UNC5D: variants seen among roughly 807,000 people sequenced by gnomAD.
The protein encoded by UNC5D is netrin receptor UNC5D.
A neutral mutation model predicts 105.4 loss-of-function variants in UNC5D; 39 were observed. The observed-to-expected ratio is 0.37, with a 90% CI of 0.29 to 0.48. The LOEUF is 0.48. Ranked by LOEUF, UNC5D falls within the 20% of genes least tolerant of loss-of-function variation. UNC5D has a pLI of 0.98. For synonymous variants in UNC5D, 452 were observed against 450.4 expected (o/e 1.00, Z -0.04); for missense variants, 991 against 1,202.4 (o/e 0.82, Z 2.60).
At chr8:35,297,234 C>G (rs1807562070) in intron 1 of UNC5D, among the ~76,000 whole-genome samples, 1 of 152,054 alleles carries the variant, frequency 6.6e-6, no homozygotes, top group Non-Finnish European at 1.5e-5. Flanking sequence ...TTCTGCTTAG[C>G]AAAAAATCCT....
chr8:35,766,920 G>T lies in UNC5D; in HGVS notation c.2332G>T (p.Val778Leu). ...TACQEVPFSR[V>L]WCSNRQPLHC... Reference sequence around the variant, plus strand: ...CCTGCAGGAAGTCCCGTTCTCCCGCGTGTGGTGCAGTAACCGGCAGCCCCT... The same window carrying T: ...CCTGCAGGAAGTCCCGTTCTCCCGCTTGTGGTGCAGTAACCGGCAGCCCCT... Residue 778 changes from valine (V) to leucine (L), a missense_variant, in exon 15 of 17, where the codon GTG becomes TTG. Physicochemically the swap from Val to Leu is conservative, Grantham distance 32. Around this residue, in one of 3 missense-constraint regions of UNC5D, gnomAD observed 944 missense variants for 1,131.6 expected, o/e 0.83. Transcript: ENST00000404895. The T allele has an allele frequency of 6.2e-7, 1 of 1,613,298 alleles. No homozygotes were observed. Among genetic ancestry groups the T allele is most frequent in the Non-Finnish European group, 8.5e-7 (1 of 1,179,576 alleles).
At chr8:35,734,556 A>G (rs529862411) in intron 11 of UNC5D, among the ~76,000 whole-genome samples, 2 of 151,602 alleles carry the variant, frequency 1.3e-5, no homozygotes, top group Non-Finnish European at 2.9e-5. Flanking sequence ...GATTGCAGGC[A>G]TGTGCCACCA....
chr8:35,258,205 A>T (rs1804215280), intron 1 of UNC5D, among the ~76,000 whole-genome samples: 1 of 152,166 alleles, frequency 6.6e-6, no homozygotes, highest in African/African-American at 2.4e-5. Flanking sequence ...AGGGCAAAAA[A>T]AGGGACACAC....
chr8:35,673,322 A>G (rs546637521), intron 4 of UNC5D, among the ~76,000 whole-genome samples: 23 of 152,352 alleles, frequency 1.5e-4, no homozygotes, highest in Middle Eastern at 3.4e-3. Flanking sequence ...AACATTAGGC[A>G]AGAATATGCC....
chr8:35,314,795 G>C (rs1162316584), intron 1 of UNC5D, among the ~76,000 whole-genome samples: 1 of 152,166 alleles, frequency 6.6e-6, no homozygotes. Context: ...ACCCTCAGGA[G>C]CTTGTAAAAT....
chr8:35,310,254 C>T (rs10101937), intron 1 of UNC5D, among the ~76,000 whole-genome samples: 68,047 of 151,970 alleles, frequency 0.45, 15,639 homozygotes, highest in East Asian at 0.7. Context: ...CCAATAAATG[C>T]GTAAATGAAA....
chr8:35,657,080 G>GTGTGTGTGTATA (rs1281641556), intron 4 of UNC5D, among the ~76,000 whole-genome samples: 3 of 46,520 alleles, frequency 6.4e-5, no homozygotes, highest in East Asian at 1.2e-3. Context: ...GTGTGTGTGT[G>GTGTGTGTGTATA]TATATATATA....
rs1174851953 is a variant in UNC5D, at chr8:35,794,368, T to C, written c.*3805T>C. 6.6e-6 allele frequency: 1 copy of C among 152,216 alleles called. No individual in the cohort carries two copies. Among genetic ancestry groups the C allele is most frequent in the Non-Finnish European group, 1.5e-5 (1 of 68,032 alleles). 9.4% of individuals were successfully genotyped at this position (152,216 alleles called of 1,614,324 possible). On this transcript the variant is annotated 3_prime_UTR_variant, in exon 17 of 17. Coordinates refer to ENST00000404895, the MANE Select transcript of UNC5D (RefSeq NM_080872.4). ...CACTGTCTGTGGCCCATTGTCATTGTTTCCTCATGAAACATTGCAGAGTTT... is the reference window on the plus strand; with the variant it reads ...CACTGTCTGTGGCCCATTGTCATTGCTTCCTCATGAAACATTGCAGAGTTT...
chr8:35,253,902 A>G (rs1803893140), intron 1 of UNC5D, among the ~76,000 whole-genome samples: 2 of 152,196 alleles, frequency 1.3e-5, no homozygotes, highest in African/African-American at 4.8e-5. Flanking sequence ...TTGCACATAT[A>G]CATGGGAATT....
chr8:35,455,177 T>G (rs974764597), intron 1 of UNC5D, among the ~76,000 whole-genome samples: 2 of 152,196 alleles, frequency 1.3e-5, no homozygotes, highest in Non-Finnish European at 2.9e-5. Flanking sequence ...GAATGCTGTG[T>G]TTGGACATAA....
chr8:35,690,993 A>G (rs1271550537), intron 7 of UNC5D, among the ~76,000 whole-genome samples: 2 of 152,106 alleles, frequency 1.3e-5, no homozygotes, highest in Non-Finnish European at 2.9e-5. Context: ...CATGTCTTTG[A>G]TTTTATTTAG....
intron 1 of UNC5D, among the ~76,000 whole-genome samples, chr8:35,295,519 A>G (rs1807417186): frequency 6.6e-6 from 1 of 152,212 alleles, no homozygotes; most frequent in Non-Finnish European, 1.5e-5. Context: ...TGCTTTTTAA[A>G]AAATGTTTTC....
intron 4 of UNC5D, among the ~76,000 whole-genome samples, chr8:35,667,888 C>G (rs373676638): frequency 2.0e-5 from 3 of 152,260 alleles, no homozygotes; most frequent in African/African-American, 7.2e-5. Flanking sequence ...TTCTTCACTA[C>G]TATAAACAAA....
chr8:35,620,386 A>G (rs1424200792), intron 4 of UNC5D, among the ~76,000 whole-genome samples: 1 of 152,162 alleles, frequency 6.6e-6, no homozygotes, highest in Non-Finnish European at 1.5e-5. Context: ...CAGGACCAGG[A>G]TCTTTTCATC....
chr8:35,549,854 A>T (rs1348095924), intron 2 of UNC5D, among the ~76,000 whole-genome samples: 1 of 152,028 alleles, frequency 6.6e-6, no homozygotes, highest in Non-Finnish European at 1.5e-5. Context: ...TAAATCTTGC[A>T]TCAAACCCCT....
chr8:35,389,448 G>A (rs1803632301), intron 1 of UNC5D, among the ~76,000 whole-genome samples: 1 of 152,102 alleles, frequency 6.6e-6, no homozygotes, highest in Non-Finnish European at 1.5e-5. Flanking sequence ...GAGTAACAGA[G>A]AACTAGATTA....
rs1807896397 is a variant in UNC5D at position 35,300,802 on chromosome 8, T to A, written c.103+64915T>A. Among the ~76,000 whole-genome samples the A allele has an allele frequency of 2.0e-5, 3 of 152,160 alleles. No homozygotes were observed. In the South Asian group the frequency reaches 6.2e-4, roughly 32 times the overall value. ...GATTGAGGAAATAGTATTCTATAGA[T>A]AATGAGAGGTGGATTTCTTTGTATT... is the stretch of plus-strand genomic sequence containing the variant. On this transcript the variant is annotated intron_variant, in intron 1 of 16. Coordinates refer to ENST00000404895, the MANE Select transcript of UNC5D (RefSeq NM_080872.4).
chr8:35,634,927 G>A (rs1822264363), intron 4 of UNC5D, among the ~76,000 whole-genome samples: 2 of 151,780 alleles, frequency 1.3e-5, no homozygotes, highest in African/African-American at 4.8e-5. Flanking sequence ...CACCATGCCT[G>A]GCTAAATTTT....
chr8:35,289,945 CA>C (rs1806911434), intron 1 of UNC5D, among the ~76,000 whole-genome samples: 2 of 151,312 alleles, frequency 1.3e-5, no homozygotes, highest in African/African-American at 4.9e-5. Context: ...GGCTCTGAAA[CA>C]AAAAATGAAA....
Sources: allele counts gnomAD v4.1 joint callset (sites outside exome capture counted in the v4.1 genomes callset), GRCh38; gene constraint gnomAD v4.1.1; regional missense constraint gnomAD v4.1.1; transcripts MANE v1.5; gene names NCBI Gene and HGNC (gene_info 2026-07-23, HGNC 2026-07-21).